The following SF3B1 variants were observed in gnomAD, a reference collection of about 807,000 sequenced individuals.
SF3B1 encodes the protein pre-mRNA processing 10.
A neutral mutation model predicts 153.8 loss-of-function variants in SF3B1; 12 were observed. The observed-to-expected ratio is 0.08, with a 90% CI of 0.05 to 0.13. The LOEUF (loss-of-function observed/expected upper bound fraction) is 0.13. Ranked by LOEUF, SF3B1 falls within the 10% of genes least tolerant of loss-of-function variation. The pLI is 1.00. For missense variants in SF3B1, 513 were observed against 1,606.1 expected, an observed-to-expected ratio of 0.32 and a Z score of 11.63; for synonymous variants, 498 against 525.2, an observed-to-expected ratio of 0.95 and a Z score of 0.71.
In SF3B1 at chr2:197,409,809, G is replaced by A. The variant is rs2085042037; in HGVS notation, c.865C>T (p.Arg289Cys). 3 of 1,613,858 alleles carry A rather than the reference G, an allele frequency of 1.9e-6. No homozygotes were observed. The highest frequency in any genetic ancestry group is 1.1e-5 in the South Asian group (1 of 91,050). The change falls in exon 7 of 25, where the codon CGT (arginine) becomes TGT (cysteine). Residue 289 changes from arginine to cysteine, a missense_variant. By Grantham distance (180) the Arg-to-Cys change is radical. This residue lies in a region of SF3B1 where 91 missense variants were observed against 157.4 expected (regional missense o/e 0.58). Coordinates refer to ENST00000335508, the MANE Select transcript of SF3B1 (RefSeq NM_012433.4). ...GGGGTTTCATCCCATCTGTTTTTAC[G>A]AGCACTGGAAGTTGCGCCTCCATGG... is the stretch of plus-strand genomic sequence containing the variant. ...PGHGGATSSA[R>C]KNRWDETPKT...
chr2:197,418,264 A>AAAAAAAAAAAAAAAAC (rs2085186178), intron 5 of SF3B1, among the ~76,000 whole-genome samples: 1 of 144,120 alleles, frequency 6.9e-6, no homozygotes, highest in Non-Finnish European at 1.5e-5. Flanking sequence ...AAAAAAAAAA[A>AAAAAAAAAAAAAAAAC]TCCCTTGTGA....
intron 6 of SF3B1, 26 bp from the exon 7 acceptor site, chr2:197,410,033 T>C (rs745921658): frequency 7.0e-7 from 1 of 1,433,948 alleles, no homozygotes; most frequent in Non-Finnish European, 9.7e-7. Flanking sequence ...AAATTTTATT[T>C]CACACACCCA....
Position 197,405,442 on chromosome 2 carries a change from T to C in SF3B1, c.1270A>G (p.Ile424Val). 5 of 1,613,584 alleles carry C rather than the reference T, an allele frequency of 3.1e-6. No individual in the cohort carries two copies. The highest frequency in any genetic ancestry group is 4.2e-6 in the Non-Finnish European group (5 of 1,179,690). ...VLPPPAGYVPIRTPARKLTAT... is the reference protein window; with the variant it reads ...VLPPPAGYVPVRTPARKLTAT... The stretch of plus-strand genomic sequence containing the variant: ...GTCAGCTTTCGAGCTGGAGTTCGAA[T>C]AGGAACATAACCAGCTGGAGGAGGA... Residue 424 changes from isoleucine (I) to valine (V), a missense_variant, in exon 10 of 25, where the codon ATT becomes GTT. Around this residue, in one of 21 missense-constraint regions of SF3B1, gnomAD observed 15 missense variants for 94.8 expected, o/e 0.16. Coordinates refer to ENST00000335508, the MANE Select transcript of SF3B1 (RefSeq NM_012433.4).
intron 6 of SF3B1, among the ~76,000 whole-genome samples, chr2:197,413,525 A>G (rs563566935): frequency 1.4e-3 from 207 of 152,332 alleles, no homozygotes; most frequent in South Asian, 2.5e-3. Flanking sequence ...ATTGTTTAGA[A>G]ATTATGTATT....
At chr2:197,432,067 T>A (rs909169303) in intron 1 of SF3B1, among the ~76,000 whole-genome samples, 1 of 152,128 alleles carries the variant, frequency 6.6e-6, no homozygotes, top group Admixed American at 6.5e-5. Flanking sequence ...GTAGGTTAAG[T>A]GAGCTATGAT....
Position 197,408,594 on chromosome 2 carries a change from AGAGT to A in SF3B1, c.905-17_905-14del. On this transcript the variant is annotated splice_polypyrimidine_tract_variant and intron_variant, in intron 7 of 24. Transcript: ENST00000335508. ...TGCCCAGGAGTATCTTTAAAAAGAAAGAGTGAGTAAAACCACAATTTTAATCACT... is the reference window on the plus strand; with the variant it reads ...TGCCCAGGAGTATCTTTAAAAAGAAAGAGTAAAACCACAATTTTAATCACT... The A allele has an allele frequency of 6.3e-7, 1 of 1,580,920 alleles. No individual in the cohort carries two copies. The highest frequency in any genetic ancestry group is 8.7e-7 in the Non-Finnish European group (1 of 1,151,580).
At chr2:197,393,597 T>C (rs1012345786) in intron 23 of SF3B1, among the ~76,000 whole-genome samples, 1 of 151,810 alleles carries the variant, frequency 6.6e-6, no homozygotes, top group Non-Finnish European at 1.5e-5. Flanking sequence ...GAATTACAGG[T>C]GTGTGCCACC....
In SF3B1 at chr2:197,423,927, C is replaced by T. The variant is rs1437681259; in HGVS notation, c.76G>A (p.Asp26Asn). ...REIQGKKAAL[D>N]EAQGVGLDST... ...TCGAGGCCCACTCCTTGAGCTTCAT[C>T]AAGAGCTGCCTTCTTGCCTTGAATT... is the stretch of plus-strand genomic sequence containing the variant. The change falls in exon 2 of 25, where the codon GAT (aspartate) becomes AAT (asparagine). Residue 26 changes from aspartate (D) to asparagine (N), a missense_variant. Asp to Asn is a conservative substitution (Grantham distance 23, BLOSUM62 1). Transcript: ENST00000335508. The T allele has an allele frequency of 6.2e-7, 1 of 1,611,904 alleles. No homozygotes were observed. The highest frequency in any genetic ancestry group is 8.5e-7 in the Non-Finnish European group (1 of 1,179,520).
intron 22 of SF3B1, 71 bp from the exon 23 acceptor site, chr2:197,396,399 A>G: frequency 1.5e-6 from 2 of 1,322,934 alleles, no homozygotes; most frequent in East Asian, 2.4e-5. Flanking sequence ...AAAAATGCAT[A>G]AAGATGAAAA....
At chr2:197,398,717 T>C in intron 20 of SF3B1, 136 bp from the exon 21 acceptor site, 2 of 780,090 alleles carry the variant, frequency 2.6e-6, no homozygotes, top group South Asian at 3.7e-5. Context: ...AAGCCCCAGA[T>C]TCTGACCAGA....
At chr2:197,404,206 G>A (rs937274404) in intron 11 of SF3B1, among the ~76,000 whole-genome samples, 1 of 152,080 alleles carries the variant, frequency 6.6e-6, no homozygotes, top group African/African-American at 2.4e-5. Context: ...AGCTGGGCAC[G>A]GTGGCTCACA....
At chr2:197,424,782 G>C (rs1203734063) in intron 1 of SF3B1, among the ~76,000 whole-genome samples, 4 of 152,224 alleles carry the variant, frequency 2.6e-5, no homozygotes, top group Admixed American at 1.3e-4. Flanking sequence ...GATTGCAAAA[G>C]ATTTCCATGG....
rs569923975 is a variant in SF3B1, at chr2:197,429,552, T to C, written c.28+5420A>G. ...TAATCCCAGCACTTTGGGAGGCCGA[T>C]GTGGATGGATCACCTGAGGTCAGGA... On this transcript the variant is annotated intron_variant, in intron 1 of 24. Transcript: ENST00000335508. Among the ~76,000 whole-genome samples, 18 of 152,198 alleles carry C rather than the reference T, an allele frequency of 1.2e-4. No homozygotes were observed. In the South Asian group the frequency reaches 2.9e-3, roughly 25 times the overall value.
intron 4 of SF3B1, 104 bp from the exon 5 acceptor site, chr2:197,418,692 C>G (rs1165874365): frequency 8.9e-6 from 13 of 1,459,800 alleles, no homozygotes; most frequent in African/African-American, 2.9e-5. Flanking sequence ...ATTCCATAAT[C>G]ATTTAAATTA....
At chr2:197,432,090 C>T (rs1160031683) in intron 1 of SF3B1, among the ~76,000 whole-genome samples, 1 of 152,202 alleles carries the variant, frequency 6.6e-6, no homozygotes, top group Admixed American at 6.5e-5. Context: ...CGCCACTGCA[C>T]TCCAACCTGG....
intron 9 of SF3B1, among the ~76,000 whole-genome samples, chr2:197,406,052 A>G (rs1276294796): frequency 6.6e-6 from 1 of 151,814 alleles, no homozygotes; most frequent in Non-Finnish European, 1.5e-5. Context: ...TAAAATTTCA[A>G]AAAATGCAGG....
chr2:197,408,912 G>A (rs578127036), intron 7 of SF3B1, among the ~76,000 whole-genome samples: 2 of 152,074 alleles, frequency 1.3e-5, no homozygotes, highest in Admixed American at 1.3e-4. Flanking sequence ...GACAGAGCAA[G>A]ACTCCATCTC....
At chr2:197,422,657 G>A (rs185820238) in intron 2 of SF3B1, among the ~76,000 whole-genome samples, 2 of 152,156 alleles carry the variant, frequency 1.3e-5, no homozygotes, top group Admixed American at 6.5e-5. Context: ...CTGGGAGGCT[G>A]AGGCAGGTGG....
intron 1 of SF3B1, among the ~76,000 whole-genome samples, chr2:197,424,931 G>A (rs1451921364): frequency 1.3e-5 from 2 of 152,222 alleles, no homozygotes; most frequent in South Asian, 2.1e-4. Flanking sequence ...AGGCCAAGGC[G>A]GGCGGATCAC....
Sources: allele counts gnomAD v4.1 joint callset (sites outside exome capture counted in the v4.1 genomes callset), GRCh38; gene constraint gnomAD v4.1.1; regional missense constraint gnomAD v4.1.1; transcripts MANE v1.5; gene names NCBI Gene and HGNC (gene_info 2026-07-23, HGNC 2026-07-21).